LOC400499: variants seen among roughly 807,000 people sequenced by gnomAD.
chr16:11,493,800 A>C, the LOC400499 span: 1 of 375,828 alleles, frequency 2.7e-6, no homozygotes, highest in Middle Eastern at 6.4e-4. Context: ...GCTGGAGCTA[A>C]ATCGAGATGG....
chr16:11,460,570 C>T, the LOC400499 span: 1 of 1,535,522 alleles, frequency 6.5e-7, no homozygotes, highest in Non-Finnish European at 8.7e-7. Flanking sequence ...CCCGCAGCTT[C>T]TGGCTGGTGC....
At chr16:11,457,410 G>A in the LOC400499 span, among the ~76,000 whole-genome samples, 767 of 151,944 alleles carry the variant, frequency 5.0e-3, 4 homozygotes, top group African/African-American at 0.017. Flanking sequence ...CAGCTAACAC[G>A]GTGAAACCCC....
At chr16:11,523,756 C>T in the LOC400499 span, among the ~76,000 whole-genome samples, 1 of 151,980 alleles carries the variant, frequency 6.6e-6, no homozygotes, top group Non-Finnish European at 1.5e-5. Flanking sequence ...CTCATCACTA[C>T]CTGAGTCCAA....
chr16:11,421,556 C>A, the LOC400499 span, among the ~76,000 whole-genome samples: 5 of 152,184 alleles, frequency 3.3e-5, no homozygotes, highest in African/African-American at 1.2e-4. Flanking sequence ...CATGCGCCAC[C>A]ACGCCCAGCT....
the LOC400499 span, among the ~76,000 whole-genome samples, chr16:11,445,134 G>A: frequency 1.3e-5 from 2 of 150,816 alleles, no homozygotes; most frequent in East Asian, 2.0e-4. Flanking sequence ...TACTAAAAGC[G>A]AAAGCTATAG....
At chr16:11,384,988 C>T in the LOC400499 span, 2 of 1,232,226 alleles carry the variant, frequency 1.6e-6, no homozygotes, top group Non-Finnish European at 2.0e-6. Context: ...TGGAGACGTC[C>T]TTCCTTGTCG....
At chr16:11,491,009 C>G in the LOC400499 span, among the ~76,000 whole-genome samples, 1 of 152,330 alleles carries the variant, frequency 6.6e-6, no homozygotes, top group African/African-American at 2.4e-5. Flanking sequence ...ACATATGGCA[C>G]TTACTATGCT....
At chr16:11,478,689 G>T in the LOC400499 span, 56 of 399,032 alleles carry the variant, frequency 1.4e-4, no homozygotes, top group Non-Finnish European at 9.7e-5. Flanking sequence ...GGGTCACCTG[G>T]GGGAGAGCCC....
At chr16:11,460,393 T>C in the LOC400499 span, 2 of 1,389,468 alleles carry the variant, frequency 1.4e-6, no homozygotes, top group East Asian at 2.6e-5. Context: ...TCCATCTCTT[T>C]GGGGATGAGT....
the LOC400499 span, among the ~76,000 whole-genome samples, chr16:11,418,063 A>C: frequency 1.3e-5 from 2 of 152,210 alleles, no homozygotes; most frequent in African/African-American, 4.8e-5. Flanking sequence ...CGGAGAAACC[A>C]ATCAGGAAGT....
At chr16:11,439,533 G>A in the LOC400499 span, 5 of 399,010 alleles carry the variant, frequency 1.3e-5, no homozygotes, top group African/African-American at 1.0e-4. Flanking sequence ...TGCCTGAGTT[G>A]GAAGAAAAAT....
the LOC400499 span, among the ~76,000 whole-genome samples, chr16:11,377,761 T>A: frequency 6.6e-6 from 1 of 152,244 alleles, no homozygotes; most frequent in Non-Finnish European, 1.5e-5. Context: ...TTGGTCTATT[T>A]TCCTCTGGTG....
chr16:11,478,502 G>A, the LOC400499 span: 2 of 398,920 alleles, frequency 5.0e-6, no homozygotes, highest in East Asian at 3.6e-5. Flanking sequence ...CAGGGCAGAT[G>A]GCATGGGCAG....
chr16:11,494,256 C>T, the LOC400499 span, among the ~76,000 whole-genome samples: 1 of 150,324 alleles, frequency 6.7e-6, no homozygotes, highest in Admixed American at 6.6e-5. Flanking sequence ...TCCCCAGCCA[C>T]GCTCCAGACC....
At chr16:11,441,709 G>A in the LOC400499 span, among the ~76,000 whole-genome samples, 1 of 152,186 alleles carries the variant, frequency 6.6e-6, no homozygotes, top group African/African-American at 2.4e-5. Flanking sequence ...CACAGAGACT[G>A]GAAGATGCCA....
chr16:11,407,404 C>G, the LOC400499 span: 1 of 397,428 alleles, frequency 2.5e-6, no homozygotes, highest in Non-Finnish European at 4.4e-6. Flanking sequence ...TCTGATGGAA[C>G]ATTCCAGGAG....
chr16:11,373,525 G>C, the LOC400499 span, among the ~76,000 whole-genome samples: 4 of 152,038 alleles, frequency 2.6e-5, no homozygotes, highest in Non-Finnish European at 5.9e-5. Flanking sequence ...GTAGAGACGG[G>C]GTTGGGCCAG....
the LOC400499 span, among the ~76,000 whole-genome samples, chr16:11,504,785 T>C: frequency 6.6e-6 from 1 of 152,102 alleles, no homozygotes; most frequent in Non-Finnish European, 1.5e-5. Flanking sequence ...TAGCTGGGCA[T>C]GGTGGCATGA....
chr16:11,439,274 G>A, the LOC400499 span, among the ~76,000 whole-genome samples: 1 of 152,240 alleles, frequency 6.6e-6, no homozygotes, highest in Non-Finnish European at 1.5e-5. Context: ...CCTTCAGCCT[G>A]GACCATCACT....
Sources: gnomAD v4.1 joint callset for allele counts (sites outside exome capture counted in the v4.1 genomes callset) on GRCh38, gnomAD v4.1.1 for gene constraint, MANE v1.5 for transcripts.